The following AFG1L variants were observed in gnomAD, a reference collection of about 807,000 sequenced individuals.
The protein encoded by AFG1L is AFG1 like ATPase.
Under a neutral mutation model 62.2 loss-of-function variants are expected in AFG1L, and 53 were observed. The ratio of observed to expected loss-of-function variants is 0.85; its 90% confidence interval spans 0.68 to 1.07. AFG1L has a LOEUF of 1.07. AFG1L is among the 50% of genes least tolerant of loss of function. AFG1L has a pLI of 0.00. For synonymous variants in AFG1L, 228 were observed against 210.3 expected (o/e 1.08, Z -0.73); for missense variants, 555 against 590.5 (o/e 0.94, Z 0.62).
chr6:108,382,264 T>C (rs548719586), intron 6 of AFG1L, among the ~76,000 whole-genome samples: 1 of 152,214 alleles, frequency 6.6e-6, no homozygotes, highest in South Asian at 2.1e-4. Context: ...CTTCCCAAAG[T>C]GCTGGGATTA....
intron 6 of AFG1L, among the ~76,000 whole-genome samples, chr6:108,397,662 G>A (rs1362550574): frequency 6.6e-6 from 1 of 152,012 alleles, no homozygotes; most frequent in Non-Finnish European, 1.5e-5. Context: ...TTCTCTGTGA[G>A]TTTAATTGTT....
chr6:108,313,559 A>G (rs751729534), intron 1 of AFG1L, among the ~76,000 whole-genome samples: 2 of 152,016 alleles, frequency 1.3e-5, no homozygotes, highest in Non-Finnish European at 2.9e-5. Context: ...TTTCTTTAAG[A>G]CAGGGTCTCA....
intron 4 of AFG1L, among the ~76,000 whole-genome samples, chr6:108,356,138 T>A (rs1184158340): frequency 6.6e-6 from 1 of 152,118 alleles, no homozygotes; most frequent in Non-Finnish European, 1.5e-5. Flanking sequence ...ATTGCTTTGC[T>A]AGTGATCTTA....
At position 108,524,516 on chromosome 6, in the gene AFG1L, G is replaced by T. The variant is rs1412954075; in HGVS notation, c.*2091G>T. ...GCTGGTCAAACGCATAGAAGCCTAT[G>T]TAATTCTCAGTGTAGCTTCCCTATA... is the stretch of plus-strand genomic sequence containing the variant. On this transcript the variant is annotated 3_prime_UTR_variant, in exon 13 of 13. Coordinates refer to ENST00000368977, the MANE Select transcript of AFG1L (RefSeq NM_145315.5). 6.6e-6 allele frequency: 1 copy of T among 152,244 alleles called. No individual in the cohort carries two copies. 9.4% of individuals were successfully genotyped at this position (152,244 alleles called of 1,614,324 possible).
intron 6 of AFG1L, among the ~76,000 whole-genome samples, chr6:108,382,777 T>C (rs893865560): frequency 6.6e-6 from 1 of 152,202 alleles, no homozygotes; most frequent in African/African-American, 2.4e-5. Context: ...ACAGACAGAT[T>C]ATGACAACAA....
chr6:108,382,664 A>G (rs1780599871), intron 6 of AFG1L, among the ~76,000 whole-genome samples: 1 of 152,230 alleles, frequency 6.6e-6, no homozygotes, highest in Non-Finnish European at 1.5e-5. Flanking sequence ...TCTTAGTTAA[A>G]AAGTCTGAAT....
chr6:108,483,330 A>T (rs955509548), intron 10 of AFG1L, among the ~76,000 whole-genome samples: 6 of 152,200 alleles, frequency 3.9e-5, no homozygotes, highest in Non-Finnish European at 8.8e-5. Flanking sequence ...TCTCAGTTTT[A>T]ATTTCTATTA....
At chr6:108,390,475 GT>G (rs1047258800) in intron 6 of AFG1L, among the ~76,000 whole-genome samples, 11 of 152,160 alleles carry the variant, frequency 7.2e-5, no homozygotes, top group African/African-American at 1.9e-4. Flanking sequence ...TTTTCTGCTT[GT>G]TATTTCCCCA....
At chr6:108,324,308 C>T (rs1057222548) in intron 2 of AFG1L, among the ~76,000 whole-genome samples, 17 of 152,194 alleles carry the variant, frequency 1.1e-4, no homozygotes, top group Non-Finnish European at 1.0e-4. Context: ...GAAATTAAAG[C>T]TTTCCCTTTC....
intron 5 of AFG1L, among the ~76,000 whole-genome samples, chr6:108,364,274 G>A (rs1779665057): frequency 6.6e-6 from 1 of 152,162 alleles, no homozygotes. Context: ...TTGGCACCCG[G>A]CTACAGCAAG....
chr6:108,417,264 AC>A, intron 7 of AFG1L, among the ~76,000 whole-genome samples: 1 of 63,120 alleles, frequency 1.6e-5, no homozygotes, highest in Non-Finnish European at 2.8e-5. Context: ...ACACACAGAC[AC>A]GCACACACAC....
chr6:108,522,598 A>G lies in AFG1L; in HGVS notation c.*173A>G. 1.8e-6 allele frequency: 1 copy of G among 551,692 alleles called. No individual in the cohort carries two copies. The highest frequency in any genetic ancestry group is 1.9e-5 in the African/African-American group (1 of 52,298). 34.2% of individuals were successfully genotyped at this position (551,692 alleles called of 1,614,324 possible). ...TAGTGGATTAGTAAGTTAAACACTTAACATTTTTTAGGTCTGCTTTTTCTT... is the reference window on the plus strand; with the variant it reads ...TAGTGGATTAGTAAGTTAAACACTTGACATTTTTTAGGTCTGCTTTTTCTT... On this transcript the variant is annotated 3_prime_UTR_variant, in exon 13 of 13. Transcript: ENST00000368977.
At chr6:108,463,106 T>C (rs1396210848) in intron 8 of AFG1L, among the ~76,000 whole-genome samples, 1 of 151,984 alleles carries the variant, frequency 6.6e-6, no homozygotes, top group Admixed American at 6.6e-5. Context: ...TTGGCCAACA[T>C]GGTGAAACCC....
intron 5 of AFG1L, among the ~76,000 whole-genome samples, chr6:108,357,926 A>G (rs1167729811): frequency 6.6e-6 from 1 of 152,198 alleles, no homozygotes; most frequent in African/African-American, 2.4e-5. Flanking sequence ...TTCACCAGCA[A>G]TGCTGTTACA....
At chr6:108,452,444 A>G (rs1211644418) in intron 8 of AFG1L, among the ~76,000 whole-genome samples, 1 of 151,894 alleles carries the variant, frequency 6.6e-6, no homozygotes, top group African/African-American at 2.4e-5. Context: ...TCTTTTCTCT[A>G]CTAAGTCTGT....
chr6:108,313,763 C>T (rs937408056), intron 1 of AFG1L, among the ~76,000 whole-genome samples: 8 of 152,256 alleles, frequency 5.3e-5, no homozygotes, highest in African/African-American at 1.9e-4. Flanking sequence ...TGGTCCTGAA[C>T]TCCTGGACTC....
At chr6:108,320,312 A>T (rs1029817731) in intron 1 of AFG1L, among the ~76,000 whole-genome samples, 11 of 152,182 alleles carry the variant, frequency 7.2e-5, no homozygotes, top group Admixed American at 2.0e-4. Flanking sequence ...TCAAAGCTGG[A>T]TTAAAAGATT....
intron 6 of AFG1L, among the ~76,000 whole-genome samples, chr6:108,369,933 TGG>T: frequency 6.7e-6 from 1 of 148,750 alleles, no homozygotes; most frequent in African/African-American, 2.5e-5. Flanking sequence ...GCTGGCTGGC[TGG>T]CTGGCTGGCT....
At chr6:108,297,733 T>A (rs1411050049) in intron 1 of AFG1L, among the ~76,000 whole-genome samples, 1 of 151,668 alleles carries the variant, frequency 6.6e-6, no homozygotes, top group Non-Finnish European at 1.5e-5. Flanking sequence ...TGCACGCCTG[T>A]AGTCCCAGCT....
Sources: allele counts gnomAD v4.1 joint callset (sites outside exome capture counted in the v4.1 genomes callset), GRCh38; gene constraint gnomAD v4.1.1; transcripts MANE v1.5; gene names NCBI Gene and HGNC (gene_info 2026-07-23, HGNC 2026-07-21).